The following FGF5 variants were observed in gnomAD, a reference collection of about 807,000 sequenced individuals.
FGF5 encodes the protein fibroblast growth factor 5, also known as heparin-binding growth factor 5.
FGF5 carries 23 observed loss-of-function variants against 21.8 expected under a neutral mutation model. The ratio of observed to expected loss-of-function variants is 1.05; its 90% CI spans 0.76 to 1.49. The LOEUF (loss-of-function observed/expected upper bound fraction) is 1.49. FGF5 is among the 40% of genes most tolerant of loss of function. FGF5 has a pLI of 0.00. For synonymous variants in FGF5, 158 were observed against 124.0 expected (o/e 1.27, Z -1.82); for missense variants, 352 against 332.9 (o/e 1.06, Z -0.45).
At chr4:80,275,760 A>G (rs939633507) in intron 2 of FGF5, among the ~76,000 whole-genome samples, 27 of 151,952 alleles carry the variant, frequency 1.8e-4, no homozygotes, top group African/African-American at 6.3e-4. Context: ...CACAGATTCT[A>G]TTTATTTGCA....
rs934355046 is a variant in FGF5 at position 80,287,969 on chromosome 4, G to A, written c.*1297G>A. 1 of 152,062 alleles carries A rather than the reference G, an allele frequency of 6.6e-6. No homozygotes were observed. Among genetic ancestry groups the A allele is most frequent in the African/African-American group, 2.4e-5 (1 of 41,404 alleles). 9.4% of individuals were successfully genotyped at this position (152,062 alleles called of 1,614,324 possible). A position where few individuals can be genotyped will look rare whatever the true frequency, so the allele number is the denominator to read the frequency against. On this transcript the variant is annotated 3_prime_UTR_variant, in exon 3 of 3. Coordinates refer to ENST00000312465, the MANE Select transcript of FGF5 (RefSeq NM_004464.4). ...GGCATTTAATTTCAACCTAAATACTGACTGCTGGACATAAATCACAGAAAA... is the reference window on the plus strand; with the variant it reads ...GGCATTTAATTTCAACCTAAATACTAACTGCTGGACATAAATCACAGAAAA...
At chr4:80,284,407 C>T (rs1293600068) in intron 2 of FGF5, among the ~76,000 whole-genome samples, 1 of 152,132 alleles carries the variant, frequency 6.6e-6, no homozygotes, top group Non-Finnish European at 1.5e-5. Context: ...GCACTCCAGC[C>T]TGGCCAACAG....
rs910449946 is a variant in FGF5, at chr4:80,288,501, G to A, written c.*1829G>A. 1 of 152,106 alleles carries A rather than the reference G, an allele frequency of 6.6e-6. No individual in the cohort carries two copies. Among genetic ancestry groups the A allele is most frequent in the Non-Finnish European group, 1.5e-5 (1 of 67,990 alleles). 9.4% of individuals were successfully genotyped at this position (152,106 alleles called of 1,614,324 possible). A position where few individuals can be genotyped will look rare whatever the true frequency, so the allele number is the denominator to read the frequency against. ...AAATTGAACTAATTTATACTTTAAA[G>A]TATTTCTGGGTTAAATGAAACAATG... On this transcript the variant is annotated 3_prime_UTR_variant, in exon 3 of 3. Coordinates refer to ENST00000312465, the MANE Select transcript of FGF5 (RefSeq NM_004464.4).
chr4:80,280,756 CAGAA>C (rs1178748335), intron 2 of FGF5, among the ~76,000 whole-genome samples: 2 of 152,048 alleles, frequency 1.3e-5, no homozygotes, highest in Non-Finnish European at 2.9e-5. Context: ...TTAAGGGCCT[CAGAA>C]AGAAAGTCAT....
chr4:80,281,840 GTAGT>G (rs1560501104), intron 2 of FGF5, among the ~76,000 whole-genome samples: 1 of 152,132 alleles, frequency 6.6e-6, no homozygotes, highest in Non-Finnish European at 1.5e-5. Context: ...CTGGAATATT[GTAGT>G]TAATCGGAGT....
chr4:80,282,985 C>A (rs1720598328), intron 2 of FGF5, among the ~76,000 whole-genome samples: 1 of 152,112 alleles, frequency 6.6e-6, no homozygotes, highest in Admixed American at 6.6e-5. Flanking sequence ...ATGGTCCATG[C>A]ACAACATTAT....
chr4:80,267,163 CG>C lies in FGF5; in HGVS notation c.340del (p.Glu114LysfsTer5). Reference protein sequence around the residue: ...YPDGKVNGSHEANMLSVLEIF... With the variant: ...YPDGKVNGSHXANMLSVLEIF... ...CGGATGGCAAAGTCAATGGATCCCA[CG>C]AAGCCAATATGTTAAGTAAGTTACT... On this transcript the variant is annotated frameshift_variant, in exon 1 of 3. Transcript: ENST00000312465. LOFTEE classifies it high-confidence loss of function. 6.2e-7 allele frequency: 1 copy of C among 1,608,644 alleles called. No individual in the cohort carries two copies. The highest frequency in any genetic ancestry group is 2.2e-5 in the East Asian group (1 of 44,818).
chr4:80,290,810 T>C lies in FGF5; in HGVS notation c.*4138T>C, dbSNP rs146378434. ...GGTGTTTGGTTTTTGGTCCTTGCAA[T>C]AGTTTGCTGAGAATGATGGTTTCCA... On this transcript the variant is annotated 3_prime_UTR_variant, in exon 3 of 3. Transcript: ENST00000312465. The C allele has an allele frequency of 8.9e-4, 135 of 152,288 alleles. No homozygotes were observed. The highest frequency in any genetic ancestry group is 3.0e-3 in the African/African-American group (124 of 41,568). The allele number at this position is 152,288 out of a possible 1,614,324, so 9.4% of individuals were successfully genotyped here.
At chr4:80,278,733 T>C (rs1467214913) in intron 2 of FGF5, among the ~76,000 whole-genome samples, 1 of 152,164 alleles carries the variant, frequency 6.6e-6, no homozygotes, top group African/African-American at 2.4e-5. Flanking sequence ...CCTGGACTCA[T>C]TCAAGCCCCT....
chr4:80,280,201 A>G (rs539543059), intron 2 of FGF5, among the ~76,000 whole-genome samples: 19 of 152,350 alleles, frequency 1.2e-4, no homozygotes, highest in African/African-American at 4.6e-4. Context: ...AGCTTTCAAT[A>G]TACAGTAAAA....
At chr4:80,268,209 G>T (rs1292647272) in intron 1 of FGF5, 1 of 152,598 alleles carries the variant, frequency 6.6e-6, no homozygotes, top group Non-Finnish European at 1.5e-5. Flanking sequence ...GGCAGCTGGG[G>T]GCAGGGACGG....
intron 1 of FGF5, among the ~76,000 whole-genome samples, chr4:80,270,227 C>T (rs749464849): frequency 6.6e-6 from 1 of 152,202 alleles, no homozygotes; most frequent in Non-Finnish European, 1.5e-5. Flanking sequence ...TGTTACAACC[C>T]TGATACTTCA....
chr4:80,277,737 A>C (rs956377138), intron 2 of FGF5, among the ~76,000 whole-genome samples: 1 of 152,134 alleles, frequency 6.6e-6, no homozygotes, highest in Non-Finnish European at 1.5e-5. Flanking sequence ...GGAGGCATTT[A>C]AAGGGTACTT....
chr4:80,268,314 A>T, intron 1 of FGF5: 1 of 213,788 alleles, frequency 4.7e-6, no homozygotes, highest in Non-Finnish European at 8.1e-6. Flanking sequence ...CACCAGGCAG[A>T]GCCCCAGCCA....
At position 80,267,166 on chromosome 4, in the gene FGF5, A is replaced by C; in HGVS notation, c.342A>C (p.Glu114Asp). The change falls in exon 1 of 3, where the codon GAA (glutamate) becomes GAC (aspartate). Residue 114 changes from glutamate (E) to aspartate (D), a missense_variant. Coordinates refer to ENST00000312465, the MANE Select transcript of FGF5 (RefSeq NM_004464.4). Reference protein sequence around the residue: ...YPDGKVNGSHEANMLSVLEIF... With the variant: ...YPDGKVNGSHDANMLSVLEIF... ...ATGGCAAAGTCAATGGATCCCACGA[A>C]GCCAATATGTTAAGTAAGTTACTCG... The C allele has an allele frequency of 1.2e-6, 2 of 1,607,984 alleles. No homozygotes were observed. Among genetic ancestry groups the C allele is most frequent in the Non-Finnish European group, 1.7e-6 (2 of 1,176,696 alleles).
intron 2 of FGF5, among the ~76,000 whole-genome samples, chr4:80,278,778 G>A (rs986576393): frequency 2.0e-5 from 3 of 152,156 alleles, no homozygotes; most frequent in African/African-American, 7.2e-5. Flanking sequence ...ACTTTTATTG[G>A]TATACTCTAA....
At chr4:80,284,282 A>G (rs972193874) in intron 2 of FGF5, among the ~76,000 whole-genome samples, 2 of 152,092 alleles carry the variant, frequency 1.3e-5, no homozygotes, top group African/African-American at 4.8e-5. Context: ...AAAAATACAA[A>G]AATTAGCTGG....
chr4:80,276,055 CTT>C (rs1453504443), intron 2 of FGF5, among the ~76,000 whole-genome samples: 4 of 151,870 alleles, frequency 2.6e-5, no homozygotes, highest in African/African-American at 9.7e-5. Context: ...ATGTGTAAGA[CTT>C]TTATAATTTT....
intron 2 of FGF5, among the ~76,000 whole-genome samples, chr4:80,276,427 A>G (rs34426857): frequency 0.011 from 1,655 of 152,094 alleles, 21 homozygotes; most frequent in African/African-American, 0.037. Context: ...TATTTTTCTA[A>G]TTTTTTCATT....
Sources: gnomAD v4.1 joint callset for allele counts (sites outside exome capture counted in the v4.1 genomes callset) on GRCh38, gnomAD v4.1.1 for gene constraint, MANE v1.5 for transcripts, NCBI Gene and HGNC (gene_info 2026-07-23, HGNC 2026-07-21) for gene names.